AMBRA1: variants seen among roughly 807,000 people sequenced by gnomAD.
AMBRA1 encodes the protein activating molecule in BECN1-regulated autophagy protein 1.
In AMBRA1, 47 loss-of-function variants were observed where a neutral mutation model predicts 125.4. That is an observed-to-expected ratio of 0.37 (90% CI 0.30 to 0.48). AMBRA1 has a LOEUF of 0.48. Among genes scored for constraint, AMBRA1 ranks in the 20% least tolerant of loss-of-function variants. The pLI is 0.99. For synonymous variants in AMBRA1, 626 were observed against 655.5 expected (o/e 0.95, Z 0.69); for missense variants, 1,331 against 1,693.4 (o/e 0.79, Z 3.76).
intron 1 of AMBRA1, among the ~76,000 whole-genome samples, chr11:46,581,399 G>A (rs2135312752): frequency 6.6e-6 from 1 of 152,058 alleles, no homozygotes; most frequent in South Asian, 2.1e-4. Context: ...ACGAAGTCAG[G>A]AGATCGAGAC....
At chr11:46,423,341 G>A (rs923032224) in intron 14 of AMBRA1, among the ~76,000 whole-genome samples, 2 of 151,592 alleles carry the variant, frequency 1.3e-5, no homozygotes, top group Non-Finnish European at 2.9e-5. Context: ...ATTCTATGTT[G>A]GAATTCAGAA....
At chr11:46,585,695 A>AAATATATATATAT (rs1555017410) in intron 1 of AMBRA1, among the ~76,000 whole-genome samples, 1 of 22,908 alleles carries the variant, frequency 4.4e-5, no homozygotes. Flanking sequence ...AAAAAAAAAA[A>AAATATATATATAT]ATATATATAT....
intron 1 of AMBRA1, among the ~76,000 whole-genome samples, chr11:46,559,385 T>A (rs781619713): frequency 6.6e-6 from 1 of 151,980 alleles, no homozygotes; most frequent in Non-Finnish European, 1.5e-5. Flanking sequence ...ATTACGCACA[T>A]GTCATTGATC....
chr11:46,477,497 TG>T (rs1276376389), intron 11 of AMBRA1, among the ~76,000 whole-genome samples: 1 of 141,024 alleles, frequency 7.1e-6, no homozygotes, highest in East Asian at 2.0e-4. Flanking sequence ...AGCTAATTTC[TG>T]GAAAAAAAAA....
chr11:46,540,363 C>A (rs1232685884), intron 7 of AMBRA1, among the ~76,000 whole-genome samples: 1 of 152,178 alleles, frequency 6.6e-6, no homozygotes, highest in African/African-American at 2.4e-5. Flanking sequence ...ATGTCATGCC[C>A]TGTGTTGACT....
At chr11:46,536,009 C>T (rs573547855) in intron 7 of AMBRA1, among the ~76,000 whole-genome samples, 2 of 152,286 alleles carry the variant, frequency 1.3e-5, no homozygotes, top group Admixed American at 6.5e-5. Flanking sequence ...CCTTGTACAA[C>T]TCTAAGTAAT....
At chr11:46,401,785 T>G (rs1359848709) in intron 17 of AMBRA1, among the ~76,000 whole-genome samples, 1 of 152,214 alleles carries the variant, frequency 6.6e-6, no homozygotes, top group East Asian at 1.9e-4. Context: ...CCGTCTAGTC[T>G]CCACACTGTT....
At chr11:46,518,112 A>T in intron 7 of AMBRA1, 1 of 985,088 alleles carries the variant, frequency 1.0e-6, no homozygotes. Context: ...ACTGAAAAGA[A>T]AGAGATAGCC....
intron 1 of AMBRA1, among the ~76,000 whole-genome samples, chr11:46,555,306 G>C (rs1266348525): frequency 2.6e-5 from 4 of 152,156 alleles, no homozygotes; most frequent in Admixed American, 6.5e-5. Flanking sequence ...TAGATTTAGA[G>C]GTTCCTTGTG....
At chr11:46,405,880 T>C (rs1945987672) in intron 17 of AMBRA1, among the ~76,000 whole-genome samples, 2 of 151,398 alleles carry the variant, frequency 1.3e-5, no homozygotes, top group Admixed American at 6.6e-5. Flanking sequence ...TACAGATGCG[T>C]GCCACCATGC....
At chr11:46,482,678 G>T (rs1450806609) in intron 11 of AMBRA1, among the ~76,000 whole-genome samples, 1 of 152,020 alleles carries the variant, frequency 6.6e-6, no homozygotes, top group Non-Finnish European at 1.5e-5. Context: ...CATTAGGAAG[G>T]AATCTTTTTG....
chr11:46,533,429 C>G lies in AMBRA1; in HGVS notation c.2072+8516G>C, dbSNP rs138266103. Among the ~76,000 whole-genome samples, 1,227 of 152,268 alleles carry G rather than the reference C, an allele frequency of 8.1e-3. 5 individuals carry two copies. Among genetic ancestry groups the G allele is most frequent in the Non-Finnish European group, 0.013 (853 of 68,024 alleles). On this transcript the variant is annotated intron_variant, in intron 7 of 17. Coordinates refer to ENST00000683756, the MANE Select transcript of AMBRA1 (RefSeq NM_001387011.1). Reference sequence around the variant, plus strand: ...TCTTGTTTACTATTAATTTTTCAAGCTCTCCCTTCCTCACAGTTCGATAAC... The same window carrying G: ...TCTTGTTTACTATTAATTTTTCAAGGTCTCCCTTCCTCACAGTTCGATAAC...
chr11:46,550,400 G>A (rs1404422096), intron 1 of AMBRA1, among the ~76,000 whole-genome samples: 1 of 152,124 alleles, frequency 6.6e-6, no homozygotes, highest in Non-Finnish European at 1.5e-5. Flanking sequence ...ATGATTACTT[G>A]GTTGAGGTTG....
intron 1 of AMBRA1, among the ~76,000 whole-genome samples, chr11:46,568,143 G>C (rs2043603924): frequency 6.6e-6 from 1 of 150,860 alleles, no homozygotes; most frequent in Admixed American, 6.6e-5. Context: ...GTGAGACTCT[G>C]TCTTAAAAAA....
intron 7 of AMBRA1, among the ~76,000 whole-genome samples, chr11:46,518,679 A>G (rs1423540572): frequency 6.6e-6 from 1 of 152,124 alleles, no homozygotes; most frequent in East Asian, 1.9e-4. Context: ...GCTCTAAAAC[A>G]TTTGCTTACA....
chr11:46,563,634 G>A (rs897138174), intron 1 of AMBRA1, among the ~76,000 whole-genome samples: 2 of 152,140 alleles, frequency 1.3e-5, no homozygotes, highest in African/African-American at 2.4e-5. Flanking sequence ...GAAGTCAGGA[G>A]TTTGAGACCA....
At chr11:46,450,763 G>A (rs1948549000) in intron 11 of AMBRA1, among the ~76,000 whole-genome samples, 1 of 152,150 alleles carries the variant, frequency 6.6e-6, no homozygotes, top group Non-Finnish European at 1.5e-5. Context: ...TTTTTAAGCA[G>A]TAAAGTTATT....
intron 11 of AMBRA1, among the ~76,000 whole-genome samples, chr11:46,466,915 CTTTTTTCT>C (rs1211593216): frequency 7.0e-5 from 7 of 100,414 alleles, no homozygotes; most frequent in Non-Finnish European, 8.8e-5. Flanking sequence ...TTTTTCTTTT[CTTTTTTCT>C]TTTTTTTTTT....
chr11:46,512,430 C>G (rs1454323145), intron 8 of AMBRA1, among the ~76,000 whole-genome samples: 3 of 152,118 alleles, frequency 2.0e-5, no homozygotes, highest in African/African-American at 7.2e-5. Context: ...CCTCTCTGGC[C>G]AACAGAAAAA....
Sources: gnomAD v4.1 joint callset for allele counts (sites outside exome capture counted in the v4.1 genomes callset) on GRCh38, gnomAD v4.1.1 for gene constraint, MANE v1.5 for transcripts, NCBI Gene and HGNC (gene_info 2026-07-23, HGNC 2026-07-21) for gene names.